Variants in PHF3 observed in about 807,000 individuals in gnomAD.
PHF3 encodes PHD finger protein 3.
In PHF3, 41 loss-of-function variants were observed where a neutral mutation model predicts 178.4. The observed-to-expected ratio is 0.23, with a 90% CI of 0.18 to 0.30. The LOEUF is 0.30. Ranked by LOEUF, PHF3 falls within the 10% of genes least tolerant of loss-of-function variation. The pLI is 1.00. For synonymous variants in PHF3, 842 were observed against 800.5 expected, an observed-to-expected ratio of 1.05 and a Z score of -0.88; for missense variants, 2,346 against 2,398.1, an observed-to-expected ratio of 0.98 and a Z score of 0.45.
chr6:63,680,266 A>C, intron 3 of PHF3, 105 bp downstream of exon 3: 1 of 1,040,168 alleles, frequency 9.6e-7, no homozygotes. Context: ...ATGTTTTGCT[A>C]ATCCATTCGT....
At position 63,706,794 on chromosome 6, in the gene PHF3, A is replaced by G. The variant is rs138098323; in HGVS notation, c.3629A>G (p.Lys1210Arg). ...CTGGCTCGATTGAACTTCATCTGGAAAGGTTTTATCAACATGCCTTCTGTG... is the reference window on the plus strand; with the variant it reads ...CTGGCTCGATTGAACTTCATCTGGAGAGGTTTTATCAACATGCCTTCTGTG... ...TFLARLNFIW[K>R]GFINMPSVAK... is the part of the protein sequence containing the mutation. Residue 1210 changes from lysine (K) to arginine (R), a missense_variant, in exon 13 of 16, where the codon AAA becomes AGA. Physicochemically the swap from Lys to Arg is conservative, Grantham distance 26. Transcript: ENST00000262043. 51 of 1,613,878 alleles carry G rather than the reference A, an allele frequency of 3.2e-5. No individual in the cohort carries two copies. The African/African-American group carries it at 6.3e-4, about 20-fold the overall frequency.
In PHF3 at chr6:63,684,711, A is replaced by G. The variant is rs1766599208; in HGVS notation, c.989A>G (p.His330Arg). ...QDSKETVKLS[H>R]EDDHILEDAG... Reference sequence around the variant, plus strand: ...TCAAAGGAGACAGTAAAATTATCCCATGAAGATGACCATATTCTTGAGGAC... The same window carrying G: ...TCAAAGGAGACAGTAAAATTATCCCGTGAAGATGACCATATTCTTGAGGAC... The change falls in exon 4 of 16, where the codon CAT (histidine) becomes CGT (arginine). Residue 330 changes from histidine (H) to arginine (R), a missense_variant. This residue lies in a region of PHF3 where 843 missense variants were observed against 795.2 expected (regional missense o/e 1.06). Coordinates refer to ENST00000262043, the MANE Select transcript of PHF3 (RefSeq NM_001370348.2). 6 of 1,613,696 alleles carry G rather than the reference A, an allele frequency of 3.7e-6. No individual in the cohort carries two copies. Among genetic ancestry groups the G allele is most frequent in the East Asian group, 2.2e-5 (1 of 44,860 alleles).
chr6:63,691,632 A>G (rs1767004499), intron 4 of PHF3, 105 bp from the exon 5 acceptor site: 3 of 977,944 alleles, frequency 3.1e-6, no homozygotes, highest in Non-Finnish European at 4.6e-6. Flanking sequence ...AAAACATGCA[A>G]AGTTTCAGAA....
At chr6:63,700,662 C>T (rs1180827927) in intron 9 of PHF3, among the ~76,000 whole-genome samples, 196 bp downstream of exon 9, 1 of 152,130 alleles carries the variant, frequency 6.6e-6, no homozygotes, top group Non-Finnish European at 1.5e-5. Flanking sequence ...CAGCTCACTG[C>T]AACCTCTGCC....
rs961790129 is a variant in PHF3, at chr6:63,696,424, A to G, written c.2680+1660A>G. 4.0e-5 allele frequency among the ~76,000 whole-genome samples: 6 copies of G among 151,886 alleles called. No homozygotes were observed. The South Asian group carries it at 1.0e-3, about 26-fold the overall frequency. Reference sequence around the variant, plus strand: ...AGCCTTGAACTCCTGGGCTCAAGCTATCCTCTCGCCTCAACCTCCTGAGTG... The same window carrying G: ...AGCCTTGAACTCCTGGGCTCAAGCTGTCCTCTCGCCTCAACCTCCTGAGTG... On this transcript the variant is annotated intron_variant, in intron 6 of 15. Transcript: ENST00000262043.
At position 63,713,303 on chromosome 6, in the gene PHF3, C is replaced by A; in HGVS notation, c.5715C>A (p.Asp1905Glu). The A allele has an allele frequency of 6.2e-7, 1 of 1,613,948 alleles. No individual in the cohort carries two copies. The highest frequency in any genetic ancestry group is 8.5e-7 in the Non-Finnish European group (1 of 1,179,972). The stretch of plus-strand genomic sequence containing the variant: ...ATAGTGACCCTTGGGGTAGGCAAGA[C>A]CAACAGCAACTGGATAGGCCATTTA... ...RRHSDPWGRQ[D>E]QQQLDRPFNR... Residue 1905 changes from aspartate (D) to glutamate (E), a missense_variant, in exon 16 of 16, where the codon GAC becomes GAA. This residue lies in a region of PHF3 where 839 missense variants were observed against 806.9 expected (regional missense o/e 1.04). Coordinates refer to ENST00000262043, the MANE Select transcript of PHF3 (RefSeq NM_001370348.2).
intron 2 of PHF3, among the ~76,000 whole-genome samples, chr6:63,660,619 A>G (rs1226327656): frequency 6.6e-6 from 1 of 152,184 alleles, no homozygotes; most frequent in Non-Finnish European, 1.5e-5. Flanking sequence ...TAATAAGTCT[A>G]GTTATTTAAC....
chr6:63,682,283 C>T (rs1766472335), intron 3 of PHF3, among the ~76,000 whole-genome samples: 1 of 152,086 alleles, frequency 6.6e-6, no homozygotes, highest in Non-Finnish European at 1.5e-5. Context: ...TGTCTTCATT[C>T]CCACTTTAGA....
chr6:63,699,743 G>T (rs564661039), intron 8 of PHF3, among the ~76,000 whole-genome samples: 1 of 151,854 alleles, frequency 6.6e-6, no homozygotes, highest in African/African-American at 2.4e-5. Context: ...GGCACACGCC[G>T]CCACGCCCAG....
At chr6:63,699,523 A>G (rs1200313012) in intron 8 of PHF3, among the ~76,000 whole-genome samples, 1 of 152,234 alleles carries the variant, frequency 6.6e-6, no homozygotes, top group Non-Finnish European at 1.5e-5. Flanking sequence ...CGAGGATCAG[A>G]TGCTTCTGGA....
intron 2 of PHF3, among the ~76,000 whole-genome samples, chr6:63,650,878 T>A (rs1024447754): frequency 4.6e-5 from 7 of 152,060 alleles, no homozygotes; most frequent in Non-Finnish European, 7.3e-5. Context: ...CTAGTGAAAT[T>A]CAGTTTTCAG....
At chr6:63,642,283 T>C (rs1209934014) in intron 1 of PHF3, among the ~76,000 whole-genome samples, 1 of 152,238 alleles carries the variant, frequency 6.6e-6, no homozygotes, top group Non-Finnish European at 1.5e-5. Context: ...ATCACCTGCC[T>C]AGCCTTTGTT....
At chr6:63,648,365 C>T (rs1764877286) in intron 2 of PHF3, among the ~76,000 whole-genome samples, 1 of 152,000 alleles carries the variant, frequency 6.6e-6, no homozygotes, top group African/African-American at 2.4e-5. Context: ...CTAGTTTAGT[C>T]CAAATTCAGG....
chr6:63,712,072 A>T lies in PHF3; in HGVS notation c.4484A>T (p.Glu1495Val), dbSNP rs1767952188. 6.2e-7 allele frequency: 1 copy of T among 1,613,646 alleles called. No homozygotes were observed. Among genetic ancestry groups the T allele is most frequent in the Non-Finnish European group, 8.5e-7 (1 of 1,179,964 alleles). ...QSVMEQNTVK[E>V]IPFLNEQTNS... ...GTGATGGAACAAAACACTGTTAAAG[A>T]AATTCCATTTTTAAATGAGCAGACC... Residue 1495 changes from glutamate (E) to valine (V), a missense_variant, in exon 16 of 16, where the codon GAA becomes GTA. Around this residue, in one of 8 missense-constraint regions of PHF3, gnomAD observed 839 missense variants for 806.9 expected, o/e 1.04. Coordinates refer to ENST00000262043, the MANE Select transcript of PHF3 (RefSeq NM_001370348.2).
intron 10 of PHF3, 110 bp downstream of exon 10, chr6:63,702,749 T>G: frequency 1.9e-6 from 2 of 1,060,782 alleles, no homozygotes; most frequent in Non-Finnish European, 1.4e-6. Context: ...ATGCATCCAT[T>G]TAAAAGTAGC....
chr6:63,680,091 G>A lies in PHF3; in HGVS notation c.336G>A (p.Arg112=), dbSNP rs765683811. The change falls in exon 3 of 16, where the codon AGG becomes AGA. Residue 112 remains arginine (R), a synonymous_variant. Coordinates refer to ENST00000262043, the MANE Select transcript of PHF3 (RefSeq NM_001370348.2). The part of the protein sequence containing the change: ...IDEEELILPN[R]NLRDKVEENS... The stretch of plus-strand genomic sequence containing the variant: ...AAGAAGAACTGATTTTACCTAACAG[G>A]AACTTAAGGGACAAGGTAGAAGAAA... 1 of 1,612,682 alleles carries A rather than the reference G, an allele frequency of 6.2e-7. No homozygotes were observed. Among genetic ancestry groups the A allele is most frequent in the South Asian group, 1.1e-5 (1 of 90,896 alleles).
chr6:63,683,626 G>A (rs1354625465), intron 3 of PHF3, among the ~76,000 whole-genome samples: 2 of 152,060 alleles, frequency 1.3e-5, no homozygotes, highest in Admixed American at 6.6e-5. Context: ...ATTAGAGTCC[G>A]TTTGAGGCTG....
At position 63,713,062 on chromosome 6, in the gene PHF3, C is replaced by A. The variant is rs1018246081; in HGVS notation, c.5474C>A (p.Pro1825Gln). The A allele has an allele frequency of 6.2e-7, 1 of 1,613,996 alleles. No homozygotes were observed. The highest frequency in any genetic ancestry group is 1.6e-4 in the Middle Eastern group (1 of 6,062). ...FPFPGPPNFP[P>Q]QSMFGFPPHL... ...TTTCCAGGGCCTCCTAATTTTCCCC[C>A]ACAAAGCATGTTTGGATTTCCACCA... The change falls in exon 16 of 16, where the codon CCA (proline) becomes CAA (glutamine). Residue 1825 changes from proline (P) to glutamine (Q), a missense_variant. Physicochemically the swap from Pro to Gln is moderately conservative, Grantham distance 76. Transcript: ENST00000262043.
At chr6:63,680,628 T>G (rs1394401833) in intron 3 of PHF3, among the ~76,000 whole-genome samples, 1 of 152,000 alleles carries the variant, frequency 6.6e-6, no homozygotes, top group Admixed American at 6.5e-5. Flanking sequence ...TAAACTACAG[T>G]TACTTTTCTT....
Sources: allele counts gnomAD v4.1 joint callset (sites outside exome capture counted in the v4.1 genomes callset), GRCh38; gene constraint gnomAD v4.1.1; regional missense constraint gnomAD v4.1.1; transcripts MANE v1.5; gene names NCBI Gene and HGNC (gene_info 2026-07-23, HGNC 2026-07-21).